Variants in SHCBP1L observed in about 807,000 individuals in gnomAD.
SHCBP1L encodes testicular spindle-associated protein SHCBP1L.
SHCBP1L carries 67 observed loss-of-function variants against 62.5 expected under a neutral mutation model. That is an observed-to-expected ratio of 1.07 (90% CI 0.88 to 1.31). SHCBP1L has a LOEUF of 1.31. SHCBP1L is among the 40% of genes most tolerant of loss of function. SHCBP1L has a pLI of 0.00. For missense variants in SHCBP1L, 823 were observed against 809.8 expected, an observed-to-expected ratio of 1.02 and a Z score of -0.20; for synonymous variants, 284 against 289.4, an observed-to-expected ratio of 0.98 and a Z score of 0.19.
At chr1:182,924,797 AAAGG>A (rs1159802184) in intron 6 of SHCBP1L, among the ~76,000 whole-genome samples, 30 of 122,828 alleles carry the variant, frequency 2.4e-4, no homozygotes, top group South Asian at 5.7e-4. Context: ...AGAGAGAAAG[AAAGG>A]AAGGAAGGAA....
intron 7 of SHCBP1L, among the ~76,000 whole-genome samples, chr1:182,904,759 T>C (rs1649958328): frequency 1.1e-5 from 1 of 88,788 alleles, no homozygotes; most frequent in South Asian, 3.0e-4. Flanking sequence ...TATAGTGTAA[T>C]CTTTTTCTTT....
intron 2 of SHCBP1L, among the ~76,000 whole-genome samples, chr1:182,947,475 C>G (rs1651603429): frequency 6.6e-6 from 1 of 151,990 alleles, no homozygotes; most frequent in Non-Finnish European, 1.5e-5. Context: ...ATTTTATAAC[C>G]AAAATTAAGG....
intron 2 of SHCBP1L, among the ~76,000 whole-genome samples, chr1:182,940,825 T>C (rs868087700): frequency 6.6e-6 from 1 of 152,210 alleles, no homozygotes; most frequent in Middle Eastern, 3.4e-3. Context: ...TGAGATTTCA[T>C]AAAACAGTGT....
chr1:182,928,945 G>A (rs943337777), intron 6 of SHCBP1L, among the ~76,000 whole-genome samples: 7 of 151,976 alleles, frequency 4.6e-5, no homozygotes, highest in African/African-American at 1.7e-4. Context: ...ATAATATAGT[G>A]CATAAAAAAG....
chr1:182,902,677 A>G (rs1440652542), intron 9 of SHCBP1L, among the ~76,000 whole-genome samples: 3 of 152,186 alleles, frequency 2.0e-5, no homozygotes, highest in Non-Finnish European at 4.4e-5. Flanking sequence ...CAACTTTGAA[A>G]GTAAGACTTC....
intron 6 of SHCBP1L, among the ~76,000 whole-genome samples, chr1:182,914,504 G>T (rs934919515): frequency 1.3e-5 from 2 of 152,078 alleles, no homozygotes; most frequent in African/African-American, 4.8e-5. Flanking sequence ...ACAACATAAA[G>T]GGACGATGGA....
In SHCBP1L at chr1:182,914,541, T is replaced by A. The variant is rs543958718; in HGVS notation, c.1183-8892A>T. 9.2e-5 allele frequency among the ~76,000 whole-genome samples: 14 copies of A among 152,262 alleles called. No homozygotes were observed. In the South Asian group the frequency reaches 2.9e-3, roughly 32 times the overall value. On this transcript the variant is annotated intron_variant, in intron 6 of 9. Coordinates refer to ENST00000367547, the MANE Select transcript of SHCBP1L (RefSeq NM_030933.4). ...CTGTATGCTATTAAAGCAAAGTTGGTATCAATTCAAACTCAATCGTTATAA... is the reference window on the plus strand; with the variant it reads ...CTGTATGCTATTAAAGCAAAGTTGGAATCAATTCAAACTCAATCGTTATAA...
intron 6 of SHCBP1L, among the ~76,000 whole-genome samples, chr1:182,927,351 C>A (rs1650799816): frequency 6.6e-6 from 1 of 151,876 alleles, no homozygotes; most frequent in Non-Finnish European, 1.5e-5. Context: ...AGTCAAGAAT[C>A]TTCAAAGATG....
chr1:182,939,140 A>G, intron 5 of SHCBP1L, 36 bp downstream of exon 5: 4 of 1,507,408 alleles, frequency 2.7e-6, no homozygotes, highest in Non-Finnish European at 3.6e-6. Context: ...AACCATGTAA[A>G]CTTTTGCTTC....
intron 2 of SHCBP1L, among the ~76,000 whole-genome samples, chr1:182,941,209 C>A (rs189744157): frequency 7.5e-6 from 1 of 133,810 alleles, no homozygotes; most frequent in Non-Finnish European, 1.6e-5. Context: ...AAAAGCCCTG[C>A]TATCTGTATT....
chr1:182,948,459 A>C (rs1651637602), intron 2 of SHCBP1L, among the ~76,000 whole-genome samples: 2 of 152,222 alleles, frequency 1.3e-5, no homozygotes, highest in South Asian at 4.1e-4. Context: ...AGAAAGATGC[A>C]GTGTGAGAAG....
chr1:182,947,713 T>C (rs763523098), intron 2 of SHCBP1L, among the ~76,000 whole-genome samples: 6 of 152,202 alleles, frequency 3.9e-5, no homozygotes, highest in Non-Finnish European at 8.8e-5. Flanking sequence ...ATAGTAAATA[T>C]ATTTTTCTCT....
chr1:182,903,465 T>C (rs1387393199), intron 8 of SHCBP1L, among the ~76,000 whole-genome samples: 1 of 152,182 alleles, frequency 6.6e-6, no homozygotes, highest in Non-Finnish European at 1.5e-5. Flanking sequence ...TCAATAGTTA[T>C]AAAAATTTAT....
At chr1:182,927,465 G>A (rs897835188) in intron 6 of SHCBP1L, among the ~76,000 whole-genome samples, 4 of 152,152 alleles carry the variant, frequency 2.6e-5, no homozygotes, top group Admixed American at 2.0e-4. Context: ...GAGGTCAGGA[G>A]ATCGAGACCA....
chr1:182,932,616 TC>T (rs1411248466), intron 5 of SHCBP1L, among the ~76,000 whole-genome samples: 8 of 152,148 alleles, frequency 5.3e-5, no homozygotes, highest in African/African-American at 1.7e-4. Context: ...TGCCTCAGCC[TC>T]CCAAGTAGCT....
chr1:182,921,619 T>A (rs1299934395), intron 6 of SHCBP1L, among the ~76,000 whole-genome samples: 2 of 152,162 alleles, frequency 1.3e-5, no homozygotes, highest in Non-Finnish European at 2.9e-5. Flanking sequence ...AAGAAATCCA[T>A]CTCAGGCAGG....
In SHCBP1L at chr1:182,946,273, A is replaced by G. The variant is rs144342753; in HGVS notation, c.555+5045T>C. ...TCTGAGAAACCTTTACAATTTGACA[A>G]TTTGCTTTCTTCTGTTCTTGCCACC... is the stretch of plus-strand genomic sequence containing the variant. On this transcript the variant is annotated intron_variant, in intron 2 of 9. Transcript: ENST00000367547. Among the ~76,000 whole-genome samples the G allele has an allele frequency of 2.8e-3, 421 of 151,956 alleles. 4 individuals carry two copies. The highest frequency in any genetic ancestry group is 9.8e-3 in the African/African-American group (408 of 41,444).
intron 6 of SHCBP1L, among the ~76,000 whole-genome samples, chr1:182,908,213 T>C (rs1650075575): frequency 7.3e-6 from 1 of 136,940 alleles, no homozygotes; most frequent in African/African-American, 2.5e-5. Context: ...GTTTATTGCA[T>C]CCAGGTATTG....
intron 5 of SHCBP1L, among the ~76,000 whole-genome samples, chr1:182,938,216 T>C (rs1306726523): frequency 1.3e-5 from 2 of 152,004 alleles, no homozygotes; most frequent in Non-Finnish European, 2.9e-5. Context: ...CAAGCAATTC[T>C]CCTGCCTCAG....
Sources: allele counts gnomAD v4.1 joint callset (sites outside exome capture counted in the v4.1 genomes callset), GRCh38; gene constraint gnomAD v4.1.1; transcripts MANE v1.5; gene names NCBI Gene and HGNC (gene_info 2026-07-23, HGNC 2026-07-21).